PARD3B: variants seen among roughly 807,000 people sequenced by gnomAD.
PARD3B encodes the protein partitioning defective 3 homolog B.
PARD3B carries 103 observed loss-of-function variants against 130.2 expected under a neutral mutation model. The ratio of observed to expected loss-of-function variants is 0.79; its 90% CI spans 0.67 to 0.93. The LOEUF is 0.93. Ranked by LOEUF, PARD3B falls within the 40% of genes least tolerant of loss-of-function variation. PARD3B has a pLI of 0.00. For synonymous variants in PARD3B, 583 were observed against 553.2 expected, an observed-to-expected ratio of 1.05 and a Z score of -0.76; for missense variants, 1,609 against 1,499.2, an observed-to-expected ratio of 1.07 and a Z score of -1.21.
At chr2:204,695,461 A>C (rs1404316531) in intron 2 of PARD3B, among the ~76,000 whole-genome samples, 1 of 151,992 alleles carries the variant, frequency 6.6e-6, no homozygotes, top group Admixed American at 6.6e-5. Context: ...ACCTAGCTGA[A>C]ATCAGCTTCA....
At chr2:204,931,836 A>G (rs16836744) in intron 2 of PARD3B, among the ~76,000 whole-genome samples, 11,909 of 152,008 alleles carry the variant, frequency 0.078, 587 homozygotes, top group African/African-American at 0.13. Context: ...AAAGTTTCAA[A>G]ACAGAAGAAT....
At chr2:204,567,814 T>G (rs914193999) in intron 1 of PARD3B, among the ~76,000 whole-genome samples, 9 of 152,210 alleles carry the variant, frequency 5.9e-5, no homozygotes, top group Admixed American at 3.9e-4. Context: ...GCTGTATCAT[T>G]TTACAGTCCC....
chr2:205,172,379 G>A lies in PARD3B; in HGVS notation c.1789G>A (p.Glu597Lys). 6.2e-7 allele frequency: 1 copy of A among 1,612,328 alleles called. No homozygotes were observed. Among genetic ancestry groups the A allele is most frequent in the Non-Finnish European group, 8.5e-7 (1 of 1,178,954 alleles). The change falls in exon 12 of 23, where the codon GAG becomes AAG. Residue 597 changes from glutamate (E) to lysine (K), a missense_variant and splice_region_variant. Coordinates refer to ENST00000406610, the MANE Select transcript of PARD3B (RefSeq NM_001302769.2). ...TCTGAGGAGGCCAGAGAGACCAATG[G>A]AGGTGATGCAAATCTTGATTCTCCT... Reference protein sequence around the residue: ...VILRRPERPMEDPAECGAFSK... With the variant: ...VILRRPERPMKDPAECGAFSK...
chr2:204,660,518 A>G (rs1007725379), intron 1 of PARD3B, among the ~76,000 whole-genome samples: 2 of 152,180 alleles, frequency 1.3e-5, no homozygotes, highest in African/African-American at 4.8e-5. Context: ...AAAAGTTGCT[A>G]ATATACTGTT....
chr2:205,385,705 CT>C (rs1373633784), intron 18 of PARD3B, among the ~76,000 whole-genome samples: 5 of 152,064 alleles, frequency 3.3e-5, no homozygotes, highest in Non-Finnish European at 5.9e-5. Context: ...TCTGACCCCC[CT>C]GACTCAACAT....
chr2:205,484,743 G>A (rs1449039624), intron 20 of PARD3B, among the ~76,000 whole-genome samples: 3 of 152,080 alleles, frequency 2.0e-5, no homozygotes, highest in Non-Finnish European at 4.4e-5. Flanking sequence ...AAATGGAAAA[G>A]CATTGTTATG....
At chr2:205,297,130 G>C (rs965674180) in intron 16 of PARD3B, among the ~76,000 whole-genome samples, 1 of 152,058 alleles carries the variant, frequency 6.6e-6, no homozygotes, top group Non-Finnish European at 1.5e-5. Context: ...AACCAATATC[G>C]CATCAGCTAT....
At chr2:205,104,340 T>A in intron 4 of PARD3B, 86 bp from the exon 5 acceptor site, 1 of 983,524 alleles carries the variant, frequency 1.0e-6, no homozygotes, top group Non-Finnish European at 1.6e-6. Context: ...CGTAAAGCGG[T>A]TTACTCTCCC....
At chr2:204,792,601 C>G (rs377660196) in intron 2 of PARD3B, among the ~76,000 whole-genome samples, 1 of 152,070 alleles carries the variant, frequency 6.6e-6, no homozygotes, top group Non-Finnish European at 1.5e-5. Context: ...TTAGGACTTC[C>G]CAGCATTCTA....
At chr2:204,998,335 T>TACATATATATATATAC (rs1361578552) in intron 3 of PARD3B, among the ~76,000 whole-genome samples, 1 of 62,266 alleles carries the variant, frequency 1.6e-5, no homozygotes, top group African/African-American at 8.0e-5. Context: ...TATATATATA[T>TACATATATATATATAC]ATATATATAT....
chr2:204,929,317 T>C (rs1266096558), intron 2 of PARD3B, among the ~76,000 whole-genome samples: 1 of 152,156 alleles, frequency 6.6e-6, no homozygotes, highest in African/African-American at 2.4e-5. Context: ...TGACATTGAA[T>C]GTTAAGGATT....
chr2:205,074,258 C>CA (rs1700907263), intron 4 of PARD3B, among the ~76,000 whole-genome samples: 2 of 151,820 alleles, frequency 1.3e-5, no homozygotes, highest in South Asian at 2.1e-4. Context: ...ACATTAATTA[C>CA]AAAAAACTTT....
At position 204,887,666 on chromosome 2, in the gene PARD3B, CA is replaced by C. The variant is rs2046309724; in HGVS notation, c.223-77485del. On this transcript the variant is annotated intron_variant, in intron 2 of 22. Coordinates refer to ENST00000406610, the MANE Select transcript of PARD3B (RefSeq NM_001302769.2). The surrounding 1 kb of genome is among the most constrained non-coding windows in gnomAD (Gnocchi z 4.2). ...TATTAACAGAGCACTATTCTATATG[CA>C]GCGCCATTTCATACCCTTTGGGTAT... Among the ~76,000 whole-genome samples the C allele has an allele frequency of 6.6e-6, 1 of 152,102 alleles. No individual in the cohort carries two copies. Among genetic ancestry groups the C allele is most frequent in the Non-Finnish European group, 1.5e-5 (1 of 68,034 alleles).
chr2:204,841,407 A>T (rs888287942), intron 2 of PARD3B, among the ~76,000 whole-genome samples: 2 of 152,216 alleles, frequency 1.3e-5, no homozygotes, highest in Middle Eastern at 3.4e-3. Context: ...AATTCCTGTT[A>T]CTCTAACAGT....
Position 205,383,577 on chromosome 2 carries a change from T to C in PARD3B, c.2631-17436T>C, listed in dbSNP as rs1175479257. On this transcript the variant is annotated intron_variant, in intron 18 of 22. Transcript: ENST00000406610. The stretch of plus-strand genomic sequence containing the variant: ...CACTTGTTATAGTTTGTATATCTGT[T>C]TGGGTTCCCTCCATACCTTGGTTGA... 4.6e-5 allele frequency among the ~76,000 whole-genome samples: 7 copies of C among 152,238 alleles called. No homozygotes were observed. In the East Asian group the frequency reaches 1.3e-3, roughly 29 times the overall value.
At chr2:205,567,669 T>C (rs1467834085) in intron 22 of PARD3B, among the ~76,000 whole-genome samples, 2 of 151,412 alleles carry the variant, frequency 1.3e-5, no homozygotes, top group African/African-American at 4.9e-5. Context: ...ATAGTGGACA[T>C]TCTCATAATT....
chr2:205,347,371 T>C (rs1363633874), intron 18 of PARD3B, among the ~76,000 whole-genome samples: 1 of 152,200 alleles, frequency 6.6e-6, no homozygotes, highest in Non-Finnish European at 1.5e-5. Flanking sequence ...TAAGTAGTTA[T>C]TTGCCTGAAT....
chr2:205,356,890 C>A (rs202236642), intron 18 of PARD3B, among the ~76,000 whole-genome samples: 94 of 131,274 alleles, frequency 7.2e-4, no homozygotes, highest in Admixed American at 8.3e-4. Context: ...GACTCTGTCT[C>A]AAAAAAAAAA....
Position 205,315,995 on chromosome 2 carries a change from C to T in PARD3B, c.2630+14294C>T, listed in dbSNP as rs2042551439. ...GCCCTTAATGAAATTGTAAATTCCT[C>T]TAAGCAGAGGGACTTCCTCTGCAAT... On this transcript the variant is annotated intron_variant, in intron 18 of 22. Coordinates refer to ENST00000406610, the MANE Select transcript of PARD3B (RefSeq NM_001302769.2). Among the ~76,000 whole-genome samples the T allele has an allele frequency of 2.0e-5, 3 of 152,044 alleles. No homozygotes were observed. The South Asian group carries it at 6.2e-4, about 32-fold the overall frequency.
Sources: allele counts gnomAD v4.1 joint callset (sites outside exome capture counted in the v4.1 genomes callset), GRCh38; gene constraint gnomAD v4.1.1; non-coding constraint Gnocchi (gnomAD v3.1); transcripts MANE v1.5; gene names NCBI Gene and HGNC (gene_info 2026-07-23, HGNC 2026-07-21).